The following CTDSPL variants were observed in gnomAD, a reference collection of about 807,000 sequenced individuals.
CTDSPL encodes CTD small phosphatase-like protein.
Under a neutral mutation model 30.5 loss-of-function variants are expected in CTDSPL, and 8 were observed. The observed-to-expected ratio is 0.26, with a 90% CI of 0.15 to 0.47. CTDSPL has a LOEUF of 0.47. Ranked by LOEUF, CTDSPL falls within the 20% of genes least tolerant of loss-of-function variation. The pLI is 0.99. For synonymous variants in CTDSPL, 110 were observed against 137.9 expected, an observed-to-expected ratio of 0.80 and a Z score of 1.42; for missense variants, 248 against 366.1, an observed-to-expected ratio of 0.68 and a Z score of 2.63.
intron 1 of CTDSPL, among the ~76,000 whole-genome samples, chr3:37,877,937 A>T (rs1010092598): frequency 4.6e-5 from 7 of 152,028 alleles, no homozygotes; most frequent in African/African-American, 1.7e-4. Context: ...AACAGCTCCC[A>T]CCGGGCCCCA....
At chr3:37,980,101 A>G (rs965092359) in intron 7 of CTDSPL, among the ~76,000 whole-genome samples, 3 of 152,152 alleles carry the variant, frequency 2.0e-5, no homozygotes, top group African/African-American at 7.2e-5. Flanking sequence ...TGGTTTATTC[A>G]AATTTGTTTA....
At chr3:37,907,945 G>A (rs150900587) in intron 1 of CTDSPL, among the ~76,000 whole-genome samples, 23 of 152,332 alleles carry the variant, frequency 1.5e-4, no homozygotes. Context: ...ATCACACATG[G>A]TAAATGCGAC....
intron 1 of CTDSPL, among the ~76,000 whole-genome samples, chr3:37,926,107 A>G (rs1178956369): frequency 6.6e-6 from 1 of 152,190 alleles, no homozygotes; most frequent in Admixed American, 6.5e-5. Context: ...TTCCTGCTAC[A>G]TGGGGTGATC....
chr3:37,898,242 C>G (rs1174036360), intron 1 of CTDSPL, among the ~76,000 whole-genome samples: 3 of 152,106 alleles, frequency 2.0e-5, no homozygotes, highest in Non-Finnish European at 4.4e-5. Flanking sequence ...AGGATGTACC[C>G]CTAGGCCCAG....
At chr3:37,918,637 C>T (rs1698676655) in intron 1 of CTDSPL, among the ~76,000 whole-genome samples, 1 of 152,192 alleles carries the variant, frequency 6.6e-6, no homozygotes, top group East Asian at 1.9e-4. Flanking sequence ...TAACAGACTT[C>T]ATCTGGGTAA....
At chr3:37,874,510 T>A (rs999370878) in intron 1 of CTDSPL, among the ~76,000 whole-genome samples, 3 of 152,124 alleles carry the variant, frequency 2.0e-5, no homozygotes, top group Non-Finnish European at 4.4e-5. Flanking sequence ...GGCAGGCAGA[T>A]CACGAGGTCA....
chr3:37,911,979 T>C lies in CTDSPL; in HGVS notation c.80-35078T>C, dbSNP rs151218970. ...CGGGAGGCTGAGGCAGGAGAACTGC[T>C]TGAACCTGGGAGGCAGAGGTTGCTG... On this transcript the variant is annotated intron_variant, in intron 1 of 7. Transcript: ENST00000273179. Among the ~76,000 whole-genome samples, 1,264 of 152,268 alleles carry C rather than the reference T, an allele frequency of 8.3e-3. 14 individuals are homozygous for C. Among genetic ancestry groups the C allele is most frequent in the African/African-American group, 0.029 (1,193 of 41,542 alleles).
chr3:37,958,893 A>C (rs1048346145), intron 3 of CTDSPL, among the ~76,000 whole-genome samples: 1 of 152,186 alleles, frequency 6.6e-6, no homozygotes, highest in Non-Finnish European at 1.5e-5. Context: ...TATAGGACTG[A>C]TCCCAGTCCA....
Position 37,942,217 on chromosome 3 carries a change from G to A in CTDSPL, c.80-4840G>A, listed in dbSNP as rs1202420257. 2.0e-5 allele frequency among the ~76,000 whole-genome samples: 3 copies of A among 150,404 alleles called. No homozygotes were observed. In the Admixed American group the frequency reaches 2.0e-4, roughly 10 times the overall value. On this transcript the variant is annotated intron_variant, in intron 1 of 7. Coordinates refer to ENST00000273179, the MANE Select transcript of CTDSPL (RefSeq NM_001008392.2). ...TAACCAAGATCTGTTATAGTGAGTT[G>A]TTTCTCCTAGTTGTCAGATAGCAGA...
rs58061973 is a variant in CTDSPL, at chr3:37,964,032, TAAAAAAAAAAAAAAAAAAAAA to T, written c.268-522_268-502del. Among the ~76,000 whole-genome samples, 12 of 22,990 alleles carry T rather than the reference TAAAAAAAAAAAAAAAAAAAAA, an allele frequency of 5.2e-4. No homozygotes were observed. The East Asian group carries it at 8.8e-3, about 17-fold the overall frequency. 15.1% of individuals were successfully genotyped at this position (22,990 alleles called of 152,430 possible). ...CAAGTTTTTTAAAAATCTCAGTCAC[TAAAAAAAAAAAAAAAAAAAAA>T]AAAAAAAAAAAAAAAATCTGTAGTT... On this transcript the variant is annotated intron_variant, in intron 3 of 7. Coordinates refer to ENST00000273179, the MANE Select transcript of CTDSPL (RefSeq NM_001008392.2).
chr3:37,921,793 G>A (rs1217458250), intron 1 of CTDSPL, among the ~76,000 whole-genome samples: 4 of 152,186 alleles, frequency 2.6e-5, no homozygotes, highest in Middle Eastern at 3.2e-3. Context: ...CTGGGGCAAG[G>A]CTGGAGAACT....
At chr3:37,916,468 G>C (rs573285138) in intron 1 of CTDSPL, among the ~76,000 whole-genome samples, 4 of 152,146 alleles carry the variant, frequency 2.6e-5, no homozygotes, top group African/African-American at 9.7e-5. Context: ...AGGTAAGGTC[G>C]TACTGGAGGA....
chr3:37,969,145 A>G (rs1276413263), intron 5 of CTDSPL, among the ~76,000 whole-genome samples: 1 of 152,268 alleles, frequency 6.6e-6, no homozygotes, highest in Non-Finnish European at 1.5e-5. Flanking sequence ...CTTGTGTTAC[A>G]TAGTGCTCAT....
At chr3:37,913,365 AT>A (rs1476984515) in intron 1 of CTDSPL, among the ~76,000 whole-genome samples, 10 of 152,192 alleles carry the variant, frequency 6.6e-5, no homozygotes, top group Non-Finnish European at 4.4e-5. Context: ...GTTCTACCTG[AT>A]TTATCCACTC....
intron 6 of CTDSPL, among the ~76,000 whole-genome samples, chr3:37,971,853 G>C (rs1343994963): frequency 6.6e-6 from 1 of 152,218 alleles, no homozygotes; most frequent in Non-Finnish European, 1.5e-5. Context: ...AGAGGCCCCT[G>C]TGTCCTTGGG....
chr3:37,948,804 C>CTTTTTTTTTTT (rs1559641745), intron 2 of CTDSPL, among the ~76,000 whole-genome samples: 3 of 135,896 alleles, frequency 2.2e-5, no homozygotes, highest in African/African-American at 9.3e-5. Flanking sequence ...CATTTTCCAG[C>CTTTTTTTTTTT]TTTCTTTTTT....
At chr3:37,948,804 C>CTTTTTTTT (rs1559641745) in intron 2 of CTDSPL, among the ~76,000 whole-genome samples, 2 of 135,904 alleles carry the variant, frequency 1.5e-5, no homozygotes, top group African/African-American at 6.2e-5. Flanking sequence ...CATTTTCCAG[C>CTTTTTTTT]TTTCTTTTTT....
intron 1 of CTDSPL, among the ~76,000 whole-genome samples, chr3:37,890,882 A>G (rs1698316877): frequency 6.6e-6 from 1 of 152,214 alleles, no homozygotes; most frequent in Non-Finnish European, 1.5e-5. Flanking sequence ...TCCTTCATAG[A>G]TGGATTTAGA....
intron 1 of CTDSPL, among the ~76,000 whole-genome samples, chr3:37,917,869 G>A (rs1027315282): frequency 6.6e-5 from 10 of 152,356 alleles, no homozygotes; most frequent in African/African-American, 2.4e-4. Flanking sequence ...AGATATCGGA[G>A]AAAATTGCTG....
Sources: gnomAD v4.1 joint callset for allele counts (sites outside exome capture counted in the v4.1 genomes callset) on GRCh38, gnomAD v4.1.1 for gene constraint, MANE v1.5 for transcripts, NCBI Gene and HGNC (gene_info 2026-07-23, HGNC 2026-07-21) for gene names.